CAPRIN2: variants seen among roughly 807,000 people sequenced by gnomAD.
CAPRIN2 encodes the protein caprin family member 2.
CAPRIN2 carries 66 observed loss-of-function variants against 130.4 expected under a neutral mutation model. That is an observed-to-expected ratio of 0.51 (90% CI 0.42 to 0.62). The LOEUF is 0.62. Ranked by LOEUF, CAPRIN2 falls within the 20% of genes least tolerant of loss-of-function variation. The probability of loss-of-function intolerance (pLI) is 0.00; values close to 1 mark genes in which losing one functional copy is unlikely to be tolerated. For missense variants in CAPRIN2, 1,185 were observed against 1,246.6 expected (o/e 0.95, Z 0.74); for synonymous variants, 471 against 444.1 (o/e 1.06, Z -0.76).
chr12:30,722,164 T>C (rs758151951), intron 11 of CAPRIN2, among the ~76,000 whole-genome samples: 9 of 152,216 alleles, frequency 5.9e-5, no homozygotes, highest in Non-Finnish European at 1.3e-4. Flanking sequence ...ACATTTACAT[T>C]AGTATTTAGT....
exon 17 of CAPRIN2, chr12:30,709,760 G>T: frequency 1.1e-6 from 1 of 913,834 alleles, no homozygotes; most frequent in Non-Finnish European, 1.6e-6. Flanking sequence ...ACCTCAGGAA[G>T]GAAAACAAAA....
intron 8 of CAPRIN2, among the ~76,000 whole-genome samples, chr12:30,727,430 A>G (rs1248084809): frequency 6.6e-6 from 1 of 152,170 alleles, no homozygotes; most frequent in Non-Finnish European, 1.5e-5. Context: ...AATGTTTTTC[A>G]TATTATTATA....
chr12:30,741,645 A>C (rs1407516618), intron 2 of CAPRIN2, among the ~76,000 whole-genome samples: 3 of 152,148 alleles, frequency 2.0e-5, no homozygotes, highest in African/African-American at 7.2e-5. Context: ...AACAACATTG[A>C]CAGAAAAGAG....
At chr12:30,724,476 A>G (rs1412831224) in intron 9 of CAPRIN2, 25 bp from the exon 11 acceptor site, 1 of 1,454,174 alleles carries the variant, frequency 6.9e-7, no homozygotes, top group East Asian at 2.3e-5. Context: ...TTAAATAAAG[A>G]GTGGAAACAG....
At chr12:30,735,784 G>A (rs2064469290) in intron 3 of CAPRIN2, among the ~76,000 whole-genome samples, 1 of 152,074 alleles carries the variant, frequency 6.6e-6, no homozygotes, top group Admixed American at 6.6e-5. Context: ...CTGTCAGTCT[G>A]GACAGAGCTA....
chr12:30,739,458 C>T (rs1592215085), intron 3 of CAPRIN2, among the ~76,000 whole-genome samples: 1 of 152,126 alleles, frequency 6.6e-6, no homozygotes, highest in Non-Finnish European at 1.5e-5. Flanking sequence ...AGGTACAAGG[C>T]TTAGTAACTG....
chr12:30,754,861 C>T (rs2075556196), upstream of CAPRIN2: 1 of 152,030 alleles, frequency 6.6e-6, no homozygotes, highest in South Asian at 2.0e-4. Context: ...ACTCGCGTCT[C>T]CTCCTCCTGT....
At chr12:30,745,412 A>G (rs1422286138) in intron 2 of CAPRIN2, among the ~76,000 whole-genome samples, 2 of 152,188 alleles carry the variant, frequency 1.3e-5, no homozygotes, top group African/African-American at 4.8e-5. Context: ...TACTATTTGA[A>G]AAGAGAAACC....
Position 30,710,412 on chromosome 12 carries a change from G to GTTAAAGGTT in CAPRIN2, c.2715_2723dup (p.Phe907_Asn908insLysThrPhe). ...AGTCTCCTTGTCCAGAGTCACCACTGTTAAAGGTTTCGTTGTCTCTTTCTG... is the reference window on the plus strand; with the variant it reads ...AGTCTCCTTGTCCAGAGTCACCACTGTTAAAGGTTTTAAAGGTTTCGTTGTCTCTTTCTG... On this transcript the variant is annotated inframe_insertion, in exon 17 of 17. Transcript: ENST00000298892. This position sits in a 1 kb window ranked among gnomAD's most constrained non-coding sequence, Gnocchi z 4.8. The GTTAAAGGTT allele has an allele frequency of 6.2e-7, 1 of 1,614,150 alleles. No individual in the cohort carries two copies. The highest frequency in any genetic ancestry group is 8.5e-7 in the Non-Finnish European group (1 of 1,180,024).
chr12:30,735,139 T>G, exon 4 of CAPRIN2: 1 of 1,614,200 alleles, frequency 6.2e-7, no homozygotes, highest in Non-Finnish European at 8.5e-7. Context: ...AGTTCGAAGC[T>G]TTTTCTTCTC....
chr12:30,752,974 G>A (rs1000119305), intron 1 of CAPRIN2, among the ~76,000 whole-genome samples: 4 of 152,178 alleles, frequency 2.6e-5, no homozygotes, highest in African/African-American at 4.8e-5. Flanking sequence ...GACTGCAGCA[G>A]TTATACTGCA....
At chr12:30,751,985 C>T (rs1331884802) in intron 1 of CAPRIN2, among the ~76,000 whole-genome samples, 1 of 139,728 alleles carries the variant, frequency 7.2e-6, no homozygotes, top group Non-Finnish European at 1.5e-5. Flanking sequence ...GTGTCGCGAT[C>T]TCGGCACACT....
At chr12:30,736,288 A>G (rs2064739695) in intron 3 of CAPRIN2, among the ~76,000 whole-genome samples, 1 of 152,018 alleles carries the variant, frequency 6.6e-6, no homozygotes, top group Non-Finnish European at 1.5e-5. Flanking sequence ...TTAACTAAAA[A>G]CTACTATCTC....
chr12:30,746,920 G>C (rs948331455), intron 2 of CAPRIN2, among the ~76,000 whole-genome samples: 37 of 152,222 alleles, frequency 2.4e-4, no homozygotes, highest in African/African-American at 8.2e-4. Context: ...CAATGTAGAT[G>C]CAAGAGTCTC....
chr12:30,736,709 G>C (rs572684057), intron 3 of CAPRIN2, among the ~76,000 whole-genome samples: 89 of 152,304 alleles, frequency 5.8e-4, no homozygotes, highest in African/African-American at 2.1e-3. Flanking sequence ...GATGGGAAAG[G>C]CTCAGTAAGG....
At chr12:30,740,892 C>A (rs188210718) in intron 3 of CAPRIN2, 128 bp downstream of exon 4, 2 of 617,716 alleles carry the variant, frequency 3.2e-6, no homozygotes, top group African/African-American at 1.9e-5. Context: ...CCTTCCATCA[C>A]GATAAAATAT....
At chr12:30,730,004 C>T (rs111904279) in intron 7 of CAPRIN2, among the ~76,000 whole-genome samples, 23 of 152,276 alleles carry the variant, frequency 1.5e-4, no homozygotes, top group African/African-American at 4.6e-4. Context: ...TTTAGATCAA[C>T]CTCTTTAATC....
chr12:30,736,679 T>C (rs1171384623), intron 3 of CAPRIN2, among the ~76,000 whole-genome samples: 1 of 152,230 alleles, frequency 6.6e-6, no homozygotes, highest in Non-Finnish European at 1.5e-5. Flanking sequence ...GAAGGTTGCA[T>C]GGGCAAGCAC....
chr12:30,750,263 T>G (rs2139832484), intron 2 of CAPRIN2, among the ~76,000 whole-genome samples: 1 of 152,248 alleles, frequency 6.6e-6, no homozygotes, highest in East Asian at 1.9e-4. Context: ...TCCTTGAATG[T>G]CAGTATCTAT....
Sources: gnomAD v4.1 joint callset for allele counts (sites outside exome capture counted in the v4.1 genomes callset) on GRCh38, gnomAD v4.1.1 for gene constraint, Gnocchi (gnomAD v3.1) non-coding constraint, MANE v1.5 for transcripts, NCBI Gene and HGNC (gene_info 2026-07-23, HGNC 2026-07-21) for gene names.